The following ALK variants were observed in gnomAD, a reference collection of about 807,000 sequenced individuals.
The protein encoded by ALK is ALK tyrosine kinase receptor.
A neutral mutation model predicts 163.1 loss-of-function variants in ALK; 74 were observed. That is an observed-to-expected ratio of 0.45 (90% confidence interval 0.38 to 0.55). ALK has a LOEUF of 0.55. Among genes scored for constraint, ALK ranks in the 20% least tolerant of loss-of-function variants. The pLI is 0.00. For synonymous variants in ALK, 960 were observed against 843.2 expected (o/e 1.14, Z -2.40); for missense variants, 2,063 against 2,105.3 (o/e 0.98, Z 0.39).
At chr2:29,364,803 T>A (rs1320061287) in intron 5 of ALK, among the ~76,000 whole-genome samples, 1 of 152,204 alleles carries the variant, frequency 6.6e-6, no homozygotes, top group South Asian at 2.1e-4. Context: ...CCCATCTTTA[T>A]GATGCACATA....
At chr2:29,908,675 T>C (rs2148436010) in intron 1 of ALK, among the ~76,000 whole-genome samples, 1 of 152,340 alleles carries the variant, frequency 6.6e-6, no homozygotes, top group Non-Finnish European at 1.5e-5. Context: ...CATAATGCAC[T>C]GAAAACTACT....
At chr2:29,435,672 T>G (rs535869899) in intron 4 of ALK, among the ~76,000 whole-genome samples, 1 of 150,272 alleles carries the variant, frequency 6.7e-6, no homozygotes, top group South Asian at 2.1e-4. Context: ...TACAGGTATG[T>G]TTAACACCAA....
chr2:29,574,852 C>T (rs1186041586), intron 3 of ALK, among the ~76,000 whole-genome samples: 1 of 152,164 alleles, frequency 6.6e-6, no homozygotes, highest in African/African-American at 2.4e-5. Context: ...CCACACACAC[C>T]CTTTCCAAAA....
chr2:29,269,867 A>C (rs1652521701), intron 11 of ALK, among the ~76,000 whole-genome samples: 1 of 152,236 alleles, frequency 6.6e-6, no homozygotes, highest in Admixed American at 6.5e-5. Context: ...GCTGGGGAGC[A>C]TGGAGGAATG....
At chr2:29,205,015 G>C (rs573744737) in intron 26 of ALK, among the ~76,000 whole-genome samples, 170 of 152,286 alleles carry the variant, frequency 1.1e-3, no homozygotes, top group Admixed American at 2.0e-3. Context: ...AAGAAAGTGA[G>C]AACACGCAGC....
At chr2:29,343,575 G>A (rs777114595) in intron 5 of ALK, among the ~76,000 whole-genome samples, 9 of 152,148 alleles carry the variant, frequency 5.9e-5, no homozygotes, top group Non-Finnish European at 1.0e-4. Context: ...TTTATGAAAT[G>A]ATGGGGTTGG....
chr2:29,333,358 C>T (rs1239299856), intron 5 of ALK, among the ~76,000 whole-genome samples: 2 of 152,106 alleles, frequency 1.3e-5, no homozygotes, highest in Non-Finnish European at 2.9e-5. Flanking sequence ...TCAAGTGATC[C>T]GCCCACCTTG....
chr2:29,264,911 C>A (rs1360284796), intron 11 of ALK, among the ~76,000 whole-genome samples: 1 of 152,182 alleles, frequency 6.6e-6, no homozygotes, highest in Non-Finnish European at 1.5e-5. Flanking sequence ...GGAGCTGGCG[C>A]ACACTCTCAC....
At chr2:29,341,264 C>A (rs1355116430) in intron 5 of ALK, among the ~76,000 whole-genome samples, 1 of 152,224 alleles carries the variant, frequency 6.6e-6, no homozygotes, top group Non-Finnish European at 1.5e-5. Context: ...TCATGTCCTT[C>A]TCTGTGTCTA....
At position 29,831,204 on chromosome 2, in the gene ALK, G is replaced by GGAAGA. The variant is rs1558508916; in HGVS notation, c.667+88788_667+88789insTCTTC. 5.1e-4 allele frequency among the ~76,000 whole-genome samples: 26 copies of GGAAGA among 51,246 alleles called. 8 individuals carry two copies. Among genetic ancestry groups the GGAAGA allele is most frequent in the Non-Finnish European group, 8.0e-4 (23 of 28,896 alleles). The allele number at this position is 51,246 out of a possible 152,430, so 33.6% of individuals were successfully genotyped here. ...GGGGAAGGGGAAGGGGAAGGGGAAG[G>GGAAGA]GGAAGAGGAAGAGGAAGAGGAAGAA... On this transcript the variant is annotated intron_variant, in intron 1 of 28. Transcript: ENST00000389048.
rs754225147 is a variant in ALK, at chr2:29,222,489, G to A, written c.3450+28C>T. 3.7e-6 allele frequency: 6 copies of A among 1,613,496 alleles called. No homozygotes were observed. The East Asian group carries it at 1.1e-4, about 30-fold the overall frequency. ...AGCCTACAGAGTCCGCAAGCCAAGG[G>A]CAGGCTCAAGAGTGAGCCACTTCTT... On this transcript the variant is annotated intron_variant, in intron 21 of 28. Transcript: ENST00000389048.
At chr2:29,610,505 C>T (rs1439599156) in intron 3 of ALK, among the ~76,000 whole-genome samples, 6 of 152,068 alleles carry the variant, frequency 3.9e-5, no homozygotes, top group Non-Finnish European at 8.8e-5. Context: ...ATTATTTCTG[C>T]TCCACGGCTG....
At chr2:29,240,898 T>C (rs1261288449) in intron 12 of ALK, among the ~76,000 whole-genome samples, 6 of 152,238 alleles carry the variant, frequency 3.9e-5, no homozygotes, top group Admixed American at 1.3e-4. Context: ...CAGGAAGAGA[T>C]GCAAGGCAGT....
At chr2:29,705,110 C>T (rs1325790462) in intron 2 of ALK, among the ~76,000 whole-genome samples, 1 of 150,086 alleles carries the variant, frequency 6.7e-6, no homozygotes, top group African/African-American at 2.4e-5. Flanking sequence ...CCCAGCTGCT[C>T]GGGAGGCTGA....
chr2:29,285,022 T>C (rs1310054604), intron 9 of ALK, among the ~76,000 whole-genome samples: 2 of 152,198 alleles, frequency 1.3e-5, no homozygotes, highest in Non-Finnish European at 2.9e-5. Flanking sequence ...CACTTAATAA[T>C]TTTAAGTAGC....
At chr2:29,749,322 T>C (rs1680290501) in intron 1 of ALK, among the ~76,000 whole-genome samples, 1 of 152,196 alleles carries the variant, frequency 6.6e-6, no homozygotes, top group Non-Finnish European at 1.5e-5. Flanking sequence ...AAAGGTAACC[T>C]TTTAAAAATC....
Position 29,227,343 on chromosome 2 carries a change from A to T in ALK, c.2914+231T>A, listed in dbSNP as rs1468208329. 6.6e-6 allele frequency among the ~76,000 whole-genome samples: 1 copy of T among 152,214 alleles called. No individual in the cohort carries two copies. Among genetic ancestry groups the T allele is most frequent in the African/African-American group, 2.4e-5 (1 of 41,442 alleles). On this transcript the variant is annotated intron_variant, in intron 17 of 28. Transcript: ENST00000389048. This position sits in a 1 kb window ranked among gnomAD's most constrained non-coding sequence, Gnocchi z 4.4. ...ACATGATCTTTAGGTTGGCTGGTGC[A>T]GGTATTGGGCTATTACTGTTACATT... is the stretch of plus-strand genomic sequence containing the variant.
Position 29,766,846 on chromosome 2 carries a change from G to A in ALK, c.668-49149C>T, listed in dbSNP as rs1680878017. On this transcript the variant is annotated intron_variant, in intron 1 of 28. Transcript: ENST00000389048. ...ACAGACCTGAAACCCATGTCCAGGA[G>A]AAAAGGAGACCAGTGCTGACAGCTT... Among the ~76,000 whole-genome samples the A allele has an allele frequency of 2.6e-5, 4 of 152,160 alleles. No individual in the cohort carries two copies. In the South Asian group the frequency reaches 6.2e-4, roughly 24 times the overall value.
chr2:29,691,424 T>G (rs1573559131), intron 3 of ALK, among the ~76,000 whole-genome samples: 1 of 152,254 alleles, frequency 6.6e-6, no homozygotes, highest in South Asian at 2.1e-4. Flanking sequence ...CAGCAGCTTT[T>G]GCTATGGTTG....
Sources: gnomAD v4.1 joint callset for allele counts (sites outside exome capture counted in the v4.1 genomes callset) on GRCh38, gnomAD v4.1.1 for gene constraint, Gnocchi (gnomAD v3.1) non-coding constraint, MANE v1.5 for transcripts, NCBI Gene and HGNC (gene_info 2026-07-23, HGNC 2026-07-21) for gene names.